Variants in PTPRN2 observed in about 807,000 individuals in gnomAD.
PTPRN2 encodes protein tyrosine phosphatase receptor type N2.
In PTPRN2, 74 loss-of-function variants were observed where a neutral mutation model predicts 118.8. The observed-to-expected ratio is 0.62, with a 90% CI of 0.52 to 0.76. The LOEUF (loss-of-function observed/expected upper bound fraction) is 0.76, where lower values mean the gene tolerates loss of function less well. Among genes scored for constraint, PTPRN2 ranks in the 30% least tolerant of loss-of-function variants. The probability of loss-of-function intolerance (pLI) is 0.00; values close to 1 mark genes in which losing one functional copy is unlikely to be tolerated. For missense variants in PTPRN2, 1,481 were observed against 1,394.4 expected, an observed-to-expected ratio of 1.06 and a Z score of -0.99; for synonymous variants, 641 against 608.0, an observed-to-expected ratio of 1.05 and a Z score of -0.80.
chr7:158,012,113 C>T (rs540023918), intron 11 of PTPRN2, among the ~76,000 whole-genome samples: 1 of 152,336 alleles, frequency 6.6e-6, no homozygotes, highest in African/African-American at 2.4e-5. Context: ...TAACTGCTCC[C>T]TCCCACTCCT....
intron 2 of PTPRN2, among the ~76,000 whole-genome samples, chr7:158,390,350 C>T (rs1488115885): frequency 1.3e-5 from 2 of 152,218 alleles, no homozygotes; most frequent in Non-Finnish European, 2.9e-5. Flanking sequence ...GGCACTAAGT[C>T]GCAGCCGAAC....
At chr7:157,821,795 G>A (rs529941044) in intron 12 of PTPRN2, among the ~76,000 whole-genome samples, 1 of 152,252 alleles carries the variant, frequency 6.6e-6, no homozygotes, top group East Asian at 1.9e-4. Flanking sequence ...GAAACCAATG[G>A]TTGTTGATGT....
chr7:157,940,533 CCT>C (rs759592194), intron 11 of PTPRN2, among the ~76,000 whole-genome samples: 9 of 149,102 alleles, frequency 6.0e-5, no homozygotes, highest in Non-Finnish European at 1.0e-4. Context: ...CATACCCTCC[CCT>C]GTGACACTGC....
intron 12 of PTPRN2, among the ~76,000 whole-genome samples, chr7:157,735,774 G>C (rs1800259188): frequency 6.6e-6 from 1 of 152,098 alleles, no homozygotes; most frequent in Admixed American, 6.5e-5. Context: ...GTGGGGAGCA[G>C]GTGGGCGCCT....
chr7:158,233,819 C>A (rs529947894), intron 3 of PTPRN2, among the ~76,000 whole-genome samples: 1 of 152,100 alleles, frequency 6.6e-6, no homozygotes, highest in Non-Finnish European at 1.5e-5. Context: ...TAAATTCACA[C>A]GTTTATAACC....
intron 2 of PTPRN2, among the ~76,000 whole-genome samples, chr7:158,341,411 CAG>C (rs1247684147): frequency 7.3e-5 from 11 of 149,942 alleles, no homozygotes; most frequent in African/African-American, 2.7e-4. Context: ...CTGTCGCCCG[CAG>C]AGGTCACTCA....
intron 11 of PTPRN2, among the ~76,000 whole-genome samples, chr7:157,972,823 C>T (rs1420433910): frequency 7.3e-6 from 1 of 137,350 alleles, no homozygotes; most frequent in Admixed American, 7.3e-5. Context: ...ACCGCAGAAA[C>T]TCCACACCAC....
intron 11 of PTPRN2, among the ~76,000 whole-genome samples, chr7:157,902,771 C>A (rs1797547271): frequency 6.6e-6 from 1 of 152,178 alleles, no homozygotes; most frequent in Admixed American, 6.5e-5. Context: ...AATACAAGAT[C>A]ATCTGAGGTG....
chr7:158,524,887 A>G (rs1363536538), intron 1 of PTPRN2, among the ~76,000 whole-genome samples: 2 of 152,188 alleles, frequency 1.3e-5, no homozygotes, highest in Non-Finnish European at 2.9e-5. Context: ...GGAAAGATCC[A>G]TGAATAAATG....
intron 16 of PTPRN2, among the ~76,000 whole-genome samples, chr7:157,599,146 A>G (rs1210315877): frequency 6.6e-6 from 1 of 151,750 alleles, no homozygotes; most frequent in Non-Finnish European, 1.5e-5. Context: ...AGTGGCTGGG[A>G]TTACAGGCGT....
chr7:157,572,963 T>C (rs554104750), intron 19 of PTPRN2, among the ~76,000 whole-genome samples: 2 of 152,282 alleles, frequency 1.3e-5, no homozygotes, highest in East Asian at 3.9e-4. Flanking sequence ...GGGAAGGCAA[T>C]GGTGAACTCC....
At position 157,929,826 on chromosome 7, in the gene PTPRN2, GT is replaced by G. The variant is rs1249912816; in HGVS notation, c.1724-31090del. Among the ~76,000 whole-genome samples the G allele has an allele frequency of 2.6e-5, 4 of 151,922 alleles. No individual in the cohort carries two copies. Among genetic ancestry groups the G allele is most frequent in the African/African-American group, 9.7e-5 (4 of 41,420 alleles). On this transcript the variant is annotated intron_variant, in intron 11 of 22. Coordinates refer to ENST00000389418, the MANE Select transcript of PTPRN2 (RefSeq NM_002847.5). This position sits in a 1 kb window ranked among gnomAD's most constrained non-coding sequence, Gnocchi z 4.4. ...ACCTTTCCCAGTGCCCACTGGTGGT[GT>G]TCCCGGGACACCAGGCACTGGAGGT...
intron 3 of PTPRN2, among the ~76,000 whole-genome samples, chr7:158,290,864 G>T (rs1410510010): frequency 1.3e-5 from 2 of 152,306 alleles, no homozygotes; most frequent in Non-Finnish European, 2.9e-5. Context: ...TTTCTGTGAT[G>T]GATGAGCAAT....
At chr7:158,284,375 G>A (rs148556845) in intron 3 of PTPRN2, among the ~76,000 whole-genome samples, 18 of 152,246 alleles carry the variant, frequency 1.2e-4, no homozygotes, top group African/African-American at 3.6e-4. Flanking sequence ...GGCACTCTCC[G>A]AGTCAGTGTA....
At chr7:157,546,222 G>C (rs947430240) in intron 22 of PTPRN2, among the ~76,000 whole-genome samples, 1 of 152,190 alleles carries the variant, frequency 6.6e-6, no homozygotes, top group African/African-American at 2.4e-5. Context: ...GGGTCACCAA[G>C]TGATCTGGGC....
chr7:158,452,938 CAACGCTGGT>C (rs1818189660), intron 2 of PTPRN2, among the ~76,000 whole-genome samples: 2 of 152,224 alleles, frequency 1.3e-5, no homozygotes, highest in African/African-American at 2.4e-5. Context: ...TGTCTGCAAT[CAACGCTGGT>C]ACAGCTGCAA....
At chr7:158,048,829 T>A (rs200764257) in intron 11 of PTPRN2, among the ~76,000 whole-genome samples, 2 of 150,416 alleles carry the variant, frequency 1.3e-5, no homozygotes, top group African/African-American at 4.9e-5. Flanking sequence ...ATCACCATTA[T>A]CACCATCGCA....
chr7:158,524,138 ATCTGCCCTGGAGTGGAG>A (rs1824555310), intron 1 of PTPRN2, among the ~76,000 whole-genome samples: 3 of 12,156 alleles, frequency 2.5e-4, no homozygotes, highest in Non-Finnish European at 4.4e-4. Context: ...GAGTGGAGTC[ATCTGCCCTGGAGTGGAG>A]TCTGCCCTGG....
At chr7:158,097,068 C>T (rs1213535570) in intron 10 of PTPRN2, among the ~76,000 whole-genome samples, 1 of 152,220 alleles carries the variant, frequency 6.6e-6, no homozygotes, top group East Asian at 1.9e-4. Flanking sequence ...TCACCCCTCA[C>T]AGGATTCCTG....
Sources: allele counts gnomAD v4.1 joint callset (sites outside exome capture counted in the v4.1 genomes callset), GRCh38; gene constraint gnomAD v4.1.1; non-coding constraint Gnocchi (gnomAD v3.1); transcripts MANE v1.5; gene names NCBI Gene and HGNC (gene_info 2026-07-23, HGNC 2026-07-21).